The following ACAN variants were observed in gnomAD, a reference collection of about 807,000 sequenced individuals.
ACAN encodes aggrecan.
Under a neutral mutation model 169.1 loss-of-function variants are expected in ACAN, and 47 were observed. That is an observed-to-expected ratio of 0.28 (90% CI 0.22 to 0.35). The LOEUF (loss-of-function observed/expected upper bound fraction) is 0.35. Ranked by LOEUF, ACAN falls within the 10% of genes least tolerant of loss-of-function variation. The probability of loss-of-function intolerance (pLI) is 1.00; values close to 1 mark genes in which losing one functional copy is unlikely to be tolerated. For missense variants in ACAN, 2,716 were observed against 2,759.9 expected, an observed-to-expected ratio of 0.98 and a Z score of 0.36; for synonymous variants, 1,115 against 1,112.2, an observed-to-expected ratio of 1.00 and a Z score of -0.05.
At chr15:88,837,868 G>A (rs1896543614) in intron 2 of ACAN, among the ~76,000 whole-genome samples, 1 of 148,554 alleles carries the variant, frequency 6.7e-6, no homozygotes, top group Admixed American at 6.7e-5. Context: ...ATAAATGTAT[G>A]AGTCTCCATG....
chr15:88,830,761 T>A (rs1896339287), intron 1 of ACAN, among the ~76,000 whole-genome samples: 1 of 152,208 alleles, frequency 6.6e-6, no homozygotes, highest in Non-Finnish European at 1.5e-5. Flanking sequence ...GGTGAGTGAA[T>A]GCGAAGGCCT....
chr15:88,860,157 C>T (rs1897164748), intron 12 of ACAN, among the ~76,000 whole-genome samples, 169 bp from the exon 13 acceptor site: 3 of 149,662 alleles, frequency 2.0e-5, no homozygotes, highest in South Asian at 2.1e-4. Flanking sequence ...GAGCTCCCCC[C>T]GATGCTGTGG....
At chr15:88,823,015 G>T (rs1896117886) in intron 1 of ACAN, among the ~76,000 whole-genome samples, 1 of 152,186 alleles carries the variant, frequency 6.6e-6, no homozygotes, top group Non-Finnish European at 1.5e-5. Flanking sequence ...GCCCTTTCTG[G>T]CAAGCAGGCA....
In ACAN at chr15:88,848,418, A is replaced by C. The variant is rs572411199; in HGVS notation, c.1732+380A>C. 1.4e-4 allele frequency among the ~76,000 whole-genome samples: 21 copies of C among 151,702 alleles called. No homozygotes were observed. In the South Asian group the frequency reaches 3.5e-3, roughly 25 times the overall value. ...TGAGAAGTCCTGCAGTAAAAACAAA[A>C]ACAAAAAACCTTTTTAGGCTGGGCA... is the stretch of plus-strand genomic sequence containing the variant. On this transcript the variant is annotated intron_variant, in intron 9 of 18. Coordinates refer to ENST00000560601, the MANE Select transcript of ACAN (RefSeq NM_001369268.1).
rs1896937485 is a variant in ACAN at position 88,851,869 on chromosome 15, T to C, written c.2102T>C (p.Ile701Thr). The stretch of plus-strand genomic sequence containing the variant: ...TCACCCTCTGGTGTGGAGGAGTGGA[T>C]CGTGACCCAAGTGGTTCCTGGTGTG... ...PTSPSGVEEW[I>T]VTQVVPGVAA... Residue 701 changes from isoleucine (I) to threonine (T), a missense_variant, in exon 11 of 19, where the codon ATC becomes ACC. By Grantham distance (89) the Ile-to-Thr change is moderately conservative. Coordinates refer to ENST00000560601, the MANE Select transcript of ACAN (RefSeq NM_001369268.1). This position sits in a 1 kb window ranked among gnomAD's most constrained non-coding sequence, Gnocchi z 4.3. 6.2e-7 allele frequency: 1 copy of C among 1,612,208 alleles called. No individual in the cohort carries two copies. The highest frequency in any genetic ancestry group is 8.5e-7 in the Non-Finnish European group (1 of 1,179,298).
Position 88,860,261 on chromosome 15 carries a change from C to T in ACAN, c.6833-65C>T, listed in dbSNP as rs1274023846. The stretch of plus-strand genomic sequence containing the variant: ...GAACCTCATGCCCCAACTTTGAGGT[C>T]TTGGAGGCCATGGTAGCCAGGTGAC... On this transcript the variant is annotated intron_variant, in intron 12 of 18. Coordinates refer to ENST00000560601, the MANE Select transcript of ACAN (RefSeq NM_001369268.1). The T allele has an allele frequency of 4.8e-6, 6 of 1,241,688 alleles. No individual in the cohort carries two copies. In the East Asian group the frequency reaches 1.5e-4, roughly 32 times the overall value. 76.9% of individuals were successfully genotyped at this position (1,241,688 alleles called of 1,614,324 possible).
In ACAN at chr15:88,858,275, T is replaced by C; in HGVS notation, c.5690T>C (p.Leu1897Pro). ...FTSQTPEFSG[L>P]PSGIAEVSGE... ...TCCCAGACTCCGGAATTCAGTGGCC[T>C]ACCAAGTGGCATAGCTGAGGTCAGT... is the stretch of plus-strand genomic sequence containing the variant. Residue 1897 changes from leucine to proline, a missense_variant, in exon 12 of 19, where the codon CTA becomes CCA. Leu to Pro is a moderately conservative substitution (Grantham distance 98). Coordinates refer to ENST00000560601, the MANE Select transcript of ACAN (RefSeq NM_001369268.1). The surrounding 1 kb of genome is among the most constrained non-coding windows in gnomAD (Gnocchi z 4.0). 1 of 1,613,968 alleles carries C rather than the reference T, an allele frequency of 6.2e-7. No homozygotes were observed. Among genetic ancestry groups the C allele is most frequent in the Non-Finnish European group, 8.5e-7 (1 of 1,179,886 alleles).
Position 88,839,905 on chromosome 15 carries a change from G to T in ACAN, c.455-107G>T. On this transcript the variant is annotated intron_variant, in intron 3 of 18. Coordinates refer to ENST00000560601, the MANE Select transcript of ACAN (RefSeq NM_001369268.1). This position sits in a 1 kb window ranked among gnomAD's most constrained non-coding sequence, Gnocchi z 4.5. ...GTCATGCATCAGCCCAGACCAGCCAGTTCCCTAAGGTCCCTTTGACTATTG... is the reference window on the plus strand; with the variant it reads ...GTCATGCATCAGCCCAGACCAGCCATTTCCCTAAGGTCCCTTTGACTATTG... The T allele has an allele frequency of 7.3e-7, 1 of 1,367,224 alleles. No homozygotes were observed. 84.7% of individuals were successfully genotyped at this position (1,367,224 alleles called of 1,614,324 possible).
In ACAN at chr15:88,873,999, G is replaced by A; in HGVS notation, c.7605G>A (p.Glu2535=). 6.2e-7 allele frequency: 1 copy of A among 1,612,208 alleles called. No homozygotes were observed. The highest frequency in any genetic ancestry group is 1.1e-5 in the South Asian group (1 of 91,034). Reference sequence around the variant, plus strand: ...GGTGCCAGCCCAGCGGGCACTGGGAGGAGCCTCAGATCACCTGCACAGACC... The same window carrying A: ...GGTGCCAGCCCAGCGGGCACTGGGAAGAGCCTCAGATCACCTGCACAGACC... The part of the protein sequence containing the change: ...TIRCQPSGHW[E]EPQITCTDPT... The change falls in exon 18 of 19, where the codon GAG becomes GAA. Residue 2535 remains glutamate, a synonymous_variant. Coordinates refer to ENST00000560601, the MANE Select transcript of ACAN (RefSeq NM_001369268.1). This position sits in a 1 kb window ranked among gnomAD's most constrained non-coding sequence, Gnocchi z 7.5.
rs1895719548 is a variant in ACAN, at chr15:88,807,747, A to AGTGTTT, written c.-8+3942_-8+3943insTTGTGT. On this transcript the variant is annotated intron_variant, in intron 1 of 18. Transcript: ENST00000560601. This position sits in a 1 kb window ranked among gnomAD's most constrained non-coding sequence, Gnocchi z 4.0. ...CTCAGAGCCTCCTTATAAGTGGTGG[A>AGTGTTT]GTGTGTGTGTGTGTGTGTGTGTGTG... Among the ~76,000 whole-genome samples the AGTGTTT allele has an allele frequency of 7.0e-6, 1 of 142,026 alleles. No individual in the cohort carries two copies. The highest frequency in any genetic ancestry group is 2.6e-5 in the African/African-American group (1 of 38,132). The allele number at this position is 142,026 out of a possible 152,430, so 93.2% of individuals were successfully genotyped here.
chr15:88,826,374 CTT>C (rs59069149), intron 1 of ACAN, among the ~76,000 whole-genome samples: 1,561 of 111,534 alleles, frequency 0.014, 18 homozygotes, highest in African/African-American at 0.046. Context: ...CCTTTTTTTT[CTT>C]TTTTTTTTTT....
intron 1 of ACAN, among the ~76,000 whole-genome samples, chr15:88,810,257 TA>T (rs1323120505): frequency 1.3e-5 from 2 of 151,126 alleles, no homozygotes; most frequent in Non-Finnish European, 3.0e-5. Flanking sequence ...AACCCAACTC[TA>T]AACAGATTTG....
chr15:88,855,501 C>A lies in ACAN; in HGVS notation c.2916C>A (p.Asp972Glu). Reference protein sequence around the residue: ...VLETSASGVGDLSGLPSGEVL... With the variant: ...VLETSASGVGELSGLPSGEVL... ...AGACCTCTGCCTCTGGAGTAGGAGA[C>A]CTCAGTGGGCTTCCTTCTGGAGAAG... Residue 972 changes from aspartate to glutamate, a missense_variant, in exon 12 of 19, where the codon GAC becomes GAA. Physicochemically the swap from Asp to Glu is conservative, Grantham distance 45 (BLOSUM62 2). Coordinates refer to ENST00000560601, the MANE Select transcript of ACAN (RefSeq NM_001369268.1). 1.2e-6 allele frequency: 2 copies of A among 1,613,400 alleles called. No individual in the cohort carries two copies. Among genetic ancestry groups the A allele is most frequent in the South Asian group, 2.2e-5 (2 of 91,000 alleles).
rs1596145795 is a variant in ACAN at position 88,856,988 on chromosome 15, G to A, written c.4403G>A (p.Ser1468Asn). 1.2e-6 allele frequency: 2 copies of A among 1,613,526 alleles called. No homozygotes were observed. Among genetic ancestry groups the A allele is most frequent in the South Asian group, 1.1e-5 (1 of 91,064 alleles). Reference sequence around the variant, plus strand: ...TCTACCTCTGCGGTAGGGGACCTCAGTGGACTTCCTTCTGGAGGAGAAGTT... The same window carrying A: ...TCTACCTCTGCGGTAGGGGACCTCAATGGACTTCCTTCTGGAGGAGAAGTT... ...ETSTSAVGDL[S>N]GLPSGGEVLE... Residue 1468 changes from serine to asparagine, a missense_variant, in exon 12 of 19, where the codon AGT becomes AAT. Coordinates refer to ENST00000560601, the MANE Select transcript of ACAN (RefSeq NM_001369268.1).
chr15:88,853,749 G>GATAC lies in ACAN; in HGVS notation c.2267-1100_2267-1099insCATA, dbSNP rs1202444816. Among the ~76,000 whole-genome samples the GATAC allele has an allele frequency of 8.1e-3, 1,004 of 124,652 alleles. 8 individuals carry two copies. Among genetic ancestry groups the GATAC allele is most frequent in the East Asian group, 0.043 (214 of 4,964 alleles). 81.8% of individuals were successfully genotyped at this position (124,652 alleles called of 152,430 possible). ...TAAATAGATAGATGATAGATAGATA[G>GATAC]ATAGATACATACATACATACATACA... On this transcript the variant is annotated intron_variant, in intron 11 of 18. Coordinates refer to ENST00000560601, the MANE Select transcript of ACAN (RefSeq NM_001369268.1).
intron 9 of ACAN, among the ~76,000 whole-genome samples, chr15:88,848,952 C>T (rs975304613): frequency 1.6e-4 from 24 of 152,228 alleles, no homozygotes; most frequent in African/African-American, 5.8e-4. Flanking sequence ...AGGTACATCG[C>T]TAGGTGCTGG....
intron 1 of ACAN, among the ~76,000 whole-genome samples, chr15:88,812,468 C>A (rs1895844473): frequency 1.3e-5 from 2 of 152,314 alleles, no homozygotes; most frequent in South Asian, 4.1e-4. Context: ...CAATCCCTAG[C>A]CTTGGCCTAC....
At position 88,858,404 on chromosome 15, in the gene ACAN, C is replaced by T; in HGVS notation, c.5819C>T (p.Thr1940Ile). 1.2e-6 allele frequency: 2 copies of T among 1,613,762 alleles called. No individual in the cohort carries two copies. The highest frequency in any genetic ancestry group is 1.7e-6 in the Non-Finnish European group (2 of 1,179,888). The change falls in exon 12 of 19, where the codon ACT becomes ATT. Residue 1940 changes from threonine (T) to isoleucine (I), a missense_variant. By Grantham distance (89) the Thr-to-Ile change is moderately conservative. Transcript: ENST00000560601. This position sits in a 1 kb window ranked among gnomAD's most constrained non-coding sequence, Gnocchi z 4.0. The stretch of plus-strand genomic sequence containing the variant: ...CCCACTGTCTCTCTTGTAGACAGAA[C>T]TTTGGTGGAATCTGTAACCCAGGCT... ...SFPTVSLVDRTLVESVTQAPT... is the reference protein window; with the variant it reads ...SFPTVSLVDRILVESVTQAPT...
chr15:88,827,925 A>G (rs1041412218), intron 1 of ACAN, among the ~76,000 whole-genome samples: 3 of 152,122 alleles, frequency 2.0e-5, no homozygotes, highest in African/African-American at 7.2e-5. Context: ...CTGACTCCCA[A>G]TCATGCTCTT....
Sources: allele counts gnomAD v4.1 joint callset (sites outside exome capture counted in the v4.1 genomes callset), GRCh38; gene constraint gnomAD v4.1.1; non-coding constraint Gnocchi (gnomAD v3.1); transcripts MANE v1.5; gene names NCBI Gene and HGNC (gene_info 2026-07-23, HGNC 2026-07-21).